The following PCDH15 variants were observed in gnomAD, a reference collection of about 807,000 sequenced individuals.
PCDH15 encodes protocadherin related 15, also known as protocadherin-15.
A neutral mutation model predicts 178.5 loss-of-function variants in PCDH15; 129 were observed. The observed-to-expected ratio is 0.72, with a 90% CI of 0.63 to 0.84. The LOEUF is 0.84. Among genes scored for constraint, PCDH15 ranks in the 40% least tolerant of loss-of-function variants. The pLI is 0.00. For synonymous variants in PCDH15, 800 were observed against 732.0 expected, an observed-to-expected ratio of 1.09 and a Z score of -1.50; for missense variants, 2,230 against 2,099.9, an observed-to-expected ratio of 1.06 and a Z score of -1.21.
intron 1 of PCDH15, among the ~76,000 whole-genome samples, chr10:54,744,341 C>T (rs1591400840): frequency 6.6e-6 from 1 of 151,912 alleles, no homozygotes. Context: ...AATTTCTGAC[C>T]CATGGAAACT....
At chr10:54,680,633 C>G (rs375843315) in intron 1 of PCDH15, among the ~76,000 whole-genome samples, 2 of 152,172 alleles carry the variant, frequency 1.3e-5, no homozygotes, top group Non-Finnish European at 1.5e-5. Context: ...AATTGAATCA[C>G]GGGGCATTTT....
chr10:53,886,641 G>A (rs35714117), intron 26 of PCDH15, among the ~76,000 whole-genome samples: 2 of 115,170 alleles, frequency 1.7e-5, no homozygotes, highest in African/African-American at 3.5e-5. Context: ...GGGCTCAGCC[G>A]CATCTTACAC....
intron 2 of PCDH15, among the ~76,000 whole-genome samples, chr10:55,038,076 A>G (rs1840779714): frequency 6.6e-6 from 1 of 152,172 alleles, no homozygotes; most frequent in African/African-American, 2.4e-5. Flanking sequence ...CAAATTACTT[A>G]TGATTTATTC....
At chr10:54,800,736 A>G (rs574964690) in intron 1 of PCDH15, among the ~76,000 whole-genome samples, 189 bp downstream of exon 1, 1 of 152,226 alleles carries the variant, frequency 6.6e-6, no homozygotes, top group Non-Finnish European at 1.5e-5. Context: ...ATGAAAGGAC[A>G]GGCAGTTGTG....
At chr10:54,257,673 T>C (rs369861961) in intron 8 of PCDH15, among the ~76,000 whole-genome samples, 4 of 152,078 alleles carry the variant, frequency 2.6e-5, no homozygotes, top group Non-Finnish European at 5.9e-5. Context: ...AAGAAACATT[T>C]TGTGGCCTTA....
At chr10:53,973,242 G>C (rs1006127449) in intron 21 of PCDH15, among the ~76,000 whole-genome samples, 4 of 144,732 alleles carry the variant, frequency 2.8e-5, no homozygotes, top group Non-Finnish European at 6.0e-5. Context: ...ACTCAACAAT[G>C]AGAACACTTG....
upstream of PCDH15, among the ~76,000 whole-genome samples, chr10:54,804,414 C>T (rs889985421): frequency 6.6e-6 from 1 of 152,128 alleles, no homozygotes; most frequent in Admixed American, 6.5e-5. Flanking sequence ...TGTCCATATT[C>T]ATAAATACTG....
intron 1 of PCDH15, among the ~76,000 whole-genome samples, chr10:55,215,541 A>T (rs554359014): frequency 1.3e-5 from 2 of 152,090 alleles, no homozygotes; most frequent in Non-Finnish European, 2.9e-5. Context: ...AATGAAAACA[A>T]CACAGGTCAC....
intron 21 of PCDH15, among the ~76,000 whole-genome samples, chr10:53,989,077 A>C (rs2091298174): frequency 6.6e-6 from 1 of 152,156 alleles, no homozygotes; most frequent in Non-Finnish European, 1.5e-5. Context: ...TATTTAAACA[A>C]AGTTTAAACA....
intron 15 of PCDH15, among the ~76,000 whole-genome samples, chr10:54,105,668 C>T (rs1171306037): frequency 3.3e-5 from 5 of 152,026 alleles, no homozygotes; most frequent in African/African-American, 1.2e-4. Context: ...TGTTAATCAC[C>T]TTTGGAAACA....
At chr10:54,074,466 A>C (rs552920550) in intron 17 of PCDH15, among the ~76,000 whole-genome samples, 32 of 152,308 alleles carry the variant, frequency 2.1e-4, no homozygotes, top group African/African-American at 7.7e-4. Flanking sequence ...GTGACTGGCT[A>C]ATCTCACTTA....
intron 26 of PCDH15, among the ~76,000 whole-genome samples, chr10:53,879,411 C>T (rs377056063): frequency 7.9e-5 from 12 of 151,830 alleles, no homozygotes; most frequent in African/African-American, 2.7e-4. Flanking sequence ...GGGTGGGAGC[C>T]AAGAAGCAGT....
chr10:55,083,798 A>C (rs1842099740), intron 2 of PCDH15, among the ~76,000 whole-genome samples: 1 of 151,844 alleles, frequency 6.6e-6, no homozygotes, highest in Non-Finnish European at 1.5e-5. Flanking sequence ...AAAGAACTCA[A>C]GAAAGTAATC....
chr10:54,674,788 T>A (rs557491429), intron 1 of PCDH15, among the ~76,000 whole-genome samples: 70 of 152,230 alleles, frequency 4.6e-4, no homozygotes, highest in African/African-American at 1.7e-3. Context: ...ATAGTTCATG[T>A]ATAAGCAGAT....
intron 2 of PCDH15, among the ~76,000 whole-genome samples, chr10:54,902,330 C>A (rs1174390226): frequency 6.6e-6 from 1 of 152,138 alleles, no homozygotes; most frequent in Non-Finnish European, 1.5e-5. Flanking sequence ...GAGTTGTAAT[C>A]CTCAATGCTG....
intron 1 of PCDH15, among the ~76,000 whole-genome samples, chr10:54,789,299 T>C (rs1300130826): frequency 6.6e-6 from 1 of 151,926 alleles, no homozygotes; most frequent in Non-Finnish European, 1.5e-5. Context: ...TTTTACCCTA[T>C]GACTTGCTGA....
At chr10:55,435,178 A>T (rs2132061737) in intron 2 of PCDH15, among the ~76,000 whole-genome samples, 1 of 152,268 alleles carries the variant, frequency 6.6e-6, no homozygotes, top group East Asian at 1.9e-4. Flanking sequence ...AAGAAAAATA[A>T]GGTGCAAGGC....
intron 2 of PCDH15, among the ~76,000 whole-genome samples, chr10:55,118,203 G>A (rs1837673857): frequency 6.6e-6 from 1 of 152,154 alleles, no homozygotes; most frequent in South Asian, 2.1e-4. Flanking sequence ...AGTAAAACCA[G>A]ACTGAGAAAG....
chr10:54,173,035 A>G (rs539369435), intron 13 of PCDH15, among the ~76,000 whole-genome samples: 1 of 152,324 alleles, frequency 6.6e-6, no homozygotes, highest in Admixed American at 6.5e-5. Context: ...CAAATTCAAA[A>G]TGCAAGGAAT....
Sources: gnomAD v4.1 joint callset for allele counts (sites outside exome capture counted in the v4.1 genomes callset) on GRCh38, gnomAD v4.1.1 for gene constraint, MANE v1.5 for transcripts, NCBI Gene and HGNC (gene_info 2026-07-23, HGNC 2026-07-21) for gene names.